The following PCDH15 variants were observed in gnomAD, a reference collection of about 807,000 sequenced individuals.
PCDH15 encodes protocadherin related 15.
In PCDH15, 129 loss-of-function variants were observed where a neutral mutation model predicts 178.5. That is an observed-to-expected ratio of 0.72 (90% CI 0.63 to 0.84). The LOEUF is 0.84. Ranked by LOEUF, PCDH15 falls within the 40% of genes least tolerant of loss-of-function variation. PCDH15 has a pLI of 0.00. For missense variants in PCDH15, 2,230 were observed against 2,099.9 expected, an observed-to-expected ratio of 1.06 and a Z score of -1.21; for synonymous variants, 800 against 732.0, an observed-to-expected ratio of 1.09 and a Z score of -1.50.
intron 2 of PCDH15, among the ~76,000 whole-genome samples, chr10:54,564,676 A>G (rs2088737422): frequency 6.6e-6 from 1 of 152,154 alleles, no homozygotes; most frequent in Non-Finnish European, 1.5e-5. Flanking sequence ...AGGTATCAAT[A>G]TAACTCAGAG....
chr10:55,130,290 G>A lies in PCDH15; in HGVS notation c.-80+36286C>T, dbSNP rs538433945. 2.0e-5 allele frequency among the ~76,000 whole-genome samples: 3 copies of A among 152,252 alleles called. No homozygotes were observed. In the South Asian group the frequency reaches 6.2e-4, roughly 32 times the overall value. ...ACTCTGAAAGGATGTGAAGGAGCTAGTCATGCTTGTATCTGGGGAGGAAGA... is the reference window on the plus strand; with the variant it reads ...ACTCTGAAAGGATGTGAAGGAGCTAATCATGCTTGTATCTGGGGAGGAAGA... On this transcript the variant is annotated intron_variant, in intron 2 of 5. Coordinates refer to the PCDH15 transcript ENST00000458638.
intron 2 of PCDH15, among the ~76,000 whole-genome samples, chr10:55,429,936 C>T (rs905956753): frequency 4.6e-5 from 7 of 152,080 alleles, no homozygotes; most frequent in Admixed American, 3.9e-4. Context: ...CCCAAATCAA[C>T]CTTTTCTATG....
In PCDH15 at chr10:54,846,663, G is replaced by A. The variant is rs73256020; in HGVS notation, c.-29+50787C>T. On this transcript the variant is annotated intron_variant, in intron 3 of 5. Coordinates refer to the PCDH15 transcript ENST00000458638. ...CTTTTTTTAAAATAGGAATTGCGAGGAAAGGAGAGCTGTGCAAGGATATAT... is the reference window on the plus strand; with the variant it reads ...CTTTTTTTAAAATAGGAATTGCGAGAAAAGGAGAGCTGTGCAAGGATATAT... Among the ~76,000 whole-genome samples, 806 of 152,102 alleles carry A rather than the reference G, an allele frequency of 5.3e-3. 12 individuals carry two copies. The highest frequency in any genetic ancestry group is 0.019 in the African/African-American group (772 of 41,500).
At chr10:55,405,895 A>G (rs542239492) in intron 2 of PCDH15, among the ~76,000 whole-genome samples, 6 of 151,976 alleles carry the variant, frequency 3.9e-5, no homozygotes, top group South Asian at 2.1e-4. Flanking sequence ...CAAAAAAAAA[A>G]GGATCCAGGT....
chr10:55,404,937 A>G (rs1318581244), intron 2 of PCDH15, among the ~76,000 whole-genome samples: 1 of 151,944 alleles, frequency 6.6e-6, no homozygotes, highest in Non-Finnish European at 1.5e-5. Flanking sequence ...GAGGTCATTT[A>G]TGAACTACAA....
chr10:55,309,657 GA>G (rs950679125), intron 1 of PCDH15, among the ~76,000 whole-genome samples: 1 of 152,000 alleles, frequency 6.6e-6, no homozygotes, highest in African/African-American at 2.4e-5. Flanking sequence ...ATCACAATAG[GA>G]AAAAAATAGT....
At chr10:54,787,618 G>C (rs1350801512) in intron 1 of PCDH15, among the ~76,000 whole-genome samples, 2 of 151,964 alleles carry the variant, frequency 1.3e-5, no homozygotes, top group Admixed American at 1.3e-4. Flanking sequence ...GGATGAGCCA[G>C]TATGGACTTT....
chr10:53,946,816 C>T (rs1024092756), intron 23 of PCDH15, among the ~76,000 whole-genome samples: 2 of 152,310 alleles, frequency 1.3e-5, no homozygotes, highest in Non-Finnish European at 2.9e-5. Context: ...CTCGCTCTAT[C>T]GCCCAGACTG....
intron 17 of PCDH15, among the ~76,000 whole-genome samples, 156 bp from the exon 18 acceptor site, chr10:54,067,041 TAAA>T (rs1218628687): frequency 1.3e-5 from 2 of 151,610 alleles, no homozygotes; most frequent in African/African-American, 2.4e-5. Context: ...ATAAAAAAAT[TAAA>T]AAAAAGAAGC....
intron 2 of PCDH15, among the ~76,000 whole-genome samples, chr10:54,647,625 T>A (rs2094159095): frequency 1.3e-5 from 2 of 152,094 alleles, no homozygotes; most frequent in Non-Finnish European, 2.9e-5. Flanking sequence ...TTAAGCAAGA[T>A]AGCTTGAAAT....
intron 2 of PCDH15, among the ~76,000 whole-genome samples, chr10:54,917,760 T>C (rs185856935): frequency 3.9e-4 from 59 of 152,262 alleles, no homozygotes; most frequent in Admixed American, 6.5e-4. Context: ...TTGGATACCA[T>C]AAAAATGGGG....
intron 2 of PCDH15, among the ~76,000 whole-genome samples, chr10:55,590,721 G>GA (rs1842827398): frequency 6.6e-6 from 1 of 152,096 alleles, no homozygotes; most frequent in Non-Finnish European, 1.5e-5. Context: ...AGTGTTGTCT[G>GA]ACAAATTAAG....
Position 54,262,355 on chromosome 10 carries a change from G to A in PCDH15, c.877-25424C>T, listed in dbSNP as rs143290280. On this transcript the variant is annotated intron_variant, in intron 8 of 37. Coordinates refer to ENST00000644397, the MANE Select transcript of PCDH15 (RefSeq NM_001384140.1). ...CCCATCACCCATGCTGCGTGATTAA[G>A]GTACATCTGGTCCACATGCCCCCTT... Among the ~76,000 whole-genome samples, 239 of 152,228 alleles carry A rather than the reference G, an allele frequency of 1.6e-3. 1 individual carries two copies. Among genetic ancestry groups the A allele is most frequent in the African/African-American group, 5.4e-3 (223 of 41,538 alleles).
chr10:55,033,917 C>T (rs1045608871), intron 2 of PCDH15, among the ~76,000 whole-genome samples: 6 of 152,014 alleles, frequency 3.9e-5, no homozygotes, highest in Admixed American at 3.9e-4. Flanking sequence ...GATTAGATGT[C>T]TTTATTAAAG....
intron 3 of PCDH15, among the ~76,000 whole-genome samples, chr10:54,494,316 A>G (rs2079906358): frequency 1.3e-5 from 2 of 152,104 alleles, no homozygotes; most frequent in Non-Finnish European, 2.9e-5. Flanking sequence ...CCTTTCCCAT[A>G]CAACTTAGAT....
At chr10:54,221,733 G>A (rs913074308) in intron 9 of PCDH15, among the ~76,000 whole-genome samples, 2 of 151,990 alleles carry the variant, frequency 1.3e-5, no homozygotes, top group African/African-American at 4.8e-5. Flanking sequence ...CCCCAGAGTA[G>A]CTGGGATTAC....
intron 3 of PCDH15, among the ~76,000 whole-genome samples, chr10:54,468,688 A>G (rs2077691710): frequency 6.6e-6 from 1 of 152,146 alleles, no homozygotes; most frequent in Non-Finnish European, 1.5e-5. Context: ...ATTTAAAGGC[A>G]ATGTTTCTTT....
rs1199166475 is a variant in PCDH15 at position 54,793,745 on chromosome 10, T to C, written c.-29+7180A>G. Among the ~76,000 whole-genome samples the C allele has an allele frequency of 3.4e-5, 5 of 148,634 alleles. No homozygotes were observed. In the East Asian group the frequency reaches 9.8e-4, roughly 29 times the overall value. On this transcript the variant is annotated intron_variant, in intron 1 of 37. Coordinates refer to ENST00000644397, the MANE Select transcript of PCDH15 (RefSeq NM_001384140.1). The stretch of plus-strand genomic sequence containing the variant: ...ACACTTGTGTATATATATGTAAAAC[T>C]GTGCTTAGAACTTGGGGTAGGATAA...
chr10:54,142,450 C>T (rs931273790), intron 14 of PCDH15, among the ~76,000 whole-genome samples: 2 of 152,116 alleles, frequency 1.3e-5, no homozygotes, highest in African/African-American at 4.8e-5. Flanking sequence ...TTCAATCCCT[C>T]TAGACCCAGG....
Sources: gnomAD v4.1 joint callset for allele counts (sites outside exome capture counted in the v4.1 genomes callset) on GRCh38, gnomAD v4.1.1 for gene constraint, MANE v1.5 for transcripts, NCBI Gene and HGNC (gene_info 2026-07-23, HGNC 2026-07-21) for gene names.